Variants in KIN observed in about 807,000 individuals in gnomAD.
KIN encodes Kin17 DNA and RNA binding protein, also known as DNA/RNA-binding protein KIN17.
A neutral mutation model predicts 63.0 loss-of-function variants in KIN; 47 were observed. The ratio of observed to expected loss-of-function variants is 0.75; its 90% CI spans 0.59 to 0.95. KIN has a LOEUF of 0.95. Among genes scored for constraint, KIN ranks in the 40% least tolerant of loss-of-function variants. The probability of loss-of-function intolerance (pLI) is 0.00; values close to 1 mark genes in which losing one functional copy is unlikely to be tolerated. For missense variants in KIN, 408 were observed against 460.9 expected (o/e 0.89, Z 1.05); for synonymous variants, 160 against 157.7 (o/e 1.01, Z -0.11).
rs80177748 is a variant in KIN at position 7,772,206 on chromosome 10, G to C, written c.668+2625C>G. Among the ~76,000 whole-genome samples, 10 of 152,306 alleles carry C rather than the reference G, an allele frequency of 6.6e-5. No homozygotes were observed. In the East Asian group the frequency reaches 1.7e-3, roughly 26 times the overall value. ...CATCTTAGAGATGCTGAAACCAAGA[G>C]ATGTTAATAAATGAGTGACACGGTA... On this transcript the variant is annotated intron_variant, in intron 7 of 12. Coordinates refer to ENST00000379562, the MANE Select transcript of KIN (RefSeq NM_012311.4).
chr10:7,760,641 C>T (rs1564314751), intron 11 of KIN, among the ~76,000 whole-genome samples: 1 of 151,614 alleles, frequency 6.6e-6, no homozygotes, highest in Non-Finnish European at 1.5e-5. Flanking sequence ...AAAGAGACCA[C>T]ATTCACATAA....
chr10:7,763,979 T>C (rs1835490803), intron 9 of KIN, among the ~76,000 whole-genome samples, 188 bp from the exon 10 acceptor site: 1 of 152,216 alleles, frequency 6.6e-6, no homozygotes, highest in Non-Finnish European at 1.5e-5. Flanking sequence ...TTATTCCTTC[T>C]TCCCCTTTCT....
intron 12 of KIN, among the ~76,000 whole-genome samples, chr10:7,757,498 G>A (rs1239801344): frequency 4.0e-5 from 6 of 151,260 alleles, no homozygotes; most frequent in African/African-American, 1.5e-4. Flanking sequence ...ACTCTGTCTT[G>A]AAAATAAATA....
chr10:7,774,941 T>A, intron 6 of KIN, 50 bp from the exon 7 acceptor site: 1 of 1,345,180 alleles, frequency 7.4e-7, no homozygotes, highest in Non-Finnish European at 1.1e-6. Context: ...AAAATCATAA[T>A]AAAACTTCTC....
intron 10 of KIN, 58 bp downstream of exon 10, chr10:7,763,665 C>A: frequency 1.1e-6 from 1 of 904,846 alleles, no homozygotes; most frequent in Admixed American, 2.2e-5. Context: ...ACCAAAATAG[C>A]TTCACTCAGT....
intron 12 of KIN, among the ~76,000 whole-genome samples, chr10:7,758,734 T>C (rs577397468): frequency 6.6e-6 from 1 of 152,218 alleles, no homozygotes; most frequent in African/African-American, 2.4e-5. Context: ...AAGGAAATAC[T>C]GGATTTTCTA....
chr10:7,777,597 T>A (rs1033478391), intron 5 of KIN, among the ~76,000 whole-genome samples: 1 of 152,188 alleles, frequency 6.6e-6, no homozygotes, highest in African/African-American at 2.4e-5. Flanking sequence ...ACACAAGTGT[T>A]AGAATGTAAG....
rs1835310022 is a variant in KIN, at chr10:7,755,174, A to C, written c.*906T>G. 6.6e-6 allele frequency: 1 copy of C among 152,268 alleles called. No homozygotes were observed. The highest frequency in any genetic ancestry group is 1.5e-5 in the Non-Finnish European group (1 of 68,046). 9.4% of individuals were successfully genotyped at this position (152,268 alleles called of 1,614,324 possible). On this transcript the variant is annotated 3_prime_UTR_variant, in exon 13 of 13. Coordinates refer to ENST00000379562, the MANE Select transcript of KIN (RefSeq NM_012311.4). ...TTGGCAGAAGCGAAAGCTTCTGTTC[A>C]CATAAAATCCTGTAAATGGGTGATC...
Position 7,752,571 on chromosome 10 carries a change from C to T in KIN, c.*3509G>A, listed in dbSNP as rs956876023. On this transcript the variant is annotated 3_prime_UTR_variant, in exon 13 of 13. Transcript: ENST00000379562. ...CAGCAATTGTGCTCTTTGGTCGTTA[C>T]GTAAATAAGTTGAAAACGTCTATCC... The T allele has an allele frequency of 5.3e-5, 8 of 152,314 alleles. No homozygotes were observed. Among genetic ancestry groups the T allele is most frequent in the Admixed American group, 2.0e-4 (3 of 15,300 alleles). 9.4% of individuals were successfully genotyped at this position (152,314 alleles called of 1,614,324 possible). A position where few individuals can be genotyped will look rare whatever the true frequency, so the allele number is the denominator to read the frequency against.
chr10:7,756,098 G>A lies in KIN; in HGVS notation c.1164C>T (p.Asp388=), dbSNP rs1370641340. Residue 388 remains aspartate, a synonymous_variant, in exon 13 of 13, where the codon GAC becomes GAT. Transcript: ENST00000379562. ...TTCAAACTCAGGCAAGTTTAGAAAT[G>A]TCTTCATATTGAATTCCTTCAACTC... is the stretch of plus-strand genomic sequence containing the variant. The part of the protein sequence containing the change: ...GRRVEGIQYE[D]ISKLA 1 of 1,586,262 alleles carries A rather than the reference G, an allele frequency of 6.3e-7. No individual in the cohort carries two copies. The highest frequency in any genetic ancestry group is 8.6e-7 in the Non-Finnish European group (1 of 1,165,512).
intron 12 of KIN, among the ~76,000 whole-genome samples, chr10:7,759,042 T>G (rs973237283): frequency 2.0e-5 from 3 of 152,108 alleles, no homozygotes; most frequent in African/African-American, 7.2e-5. Context: ...CTCTAACAGG[T>G]CCATGGGCTT....
chr10:7,771,879 G>A (rs1409429426), intron 7 of KIN, among the ~76,000 whole-genome samples: 1 of 135,804 alleles, frequency 7.4e-6, no homozygotes, highest in African/African-American at 2.8e-5. Context: ...TGGGCAACAA[G>A]AGCGAAATTC....
At chr10:7,770,463 A>C (rs1400468461) in intron 7 of KIN, among the ~76,000 whole-genome samples, 1 of 152,246 alleles carries the variant, frequency 6.6e-6, no homozygotes, top group African/African-American at 2.4e-5. Context: ...TTTAAGGTCC[A>C]TTCATGAGGG....
intron 7 of KIN, among the ~76,000 whole-genome samples, chr10:7,770,282 G>A (rs1178012278): frequency 6.6e-6 from 1 of 152,100 alleles, no homozygotes; most frequent in Non-Finnish European, 1.5e-5. Flanking sequence ...GTCACCATTG[G>A]CCCCAGAATA....
Position 7,751,675 on chromosome 10 carries a change from T to C in KIN, c.*4405A>G, listed in dbSNP as rs1835245877. The C allele has an allele frequency of 6.6e-6, 1 of 152,190 alleles. No individual in the cohort carries two copies. Among genetic ancestry groups the C allele is most frequent in the African/African-American group, 2.4e-5 (1 of 41,450 alleles). 9.4% of individuals were successfully genotyped at this position (152,190 alleles called of 1,614,324 possible). On this transcript the variant is annotated 3_prime_UTR_variant, in exon 13 of 13. Coordinates refer to ENST00000379562, the MANE Select transcript of KIN (RefSeq NM_012311.4). ...CCTTTTGAAAAACCTACTGCATCTTTTCCATTTCCTATTTCAAAAATAGAA... is the reference window on the plus strand; with the variant it reads ...CCTTTTGAAAAACCTACTGCATCTTCTCCATTTCCTATTTCAAAAATAGAA...
At chr10:7,758,675 C>CA (rs34194283) in intron 12 of KIN, among the ~76,000 whole-genome samples, 270 of 126,322 alleles carry the variant, frequency 2.1e-3, no homozygotes, top group African/African-American at 7.3e-3. Context: ...ATGGTCCATG[C>CA]AAAAAAAAAA....
At chr10:7,785,930 A>AC (rs1462268845) in intron 1 of KIN, among the ~76,000 whole-genome samples, 1 of 152,158 alleles carries the variant, frequency 6.6e-6, no homozygotes, top group African/African-American at 2.4e-5. Context: ...AGCACAGAGG[A>AC]CTTTTTGGGC....
Position 7,775,907 on chromosome 10 carries a change from G to A in KIN, c.559-108C>T, listed in dbSNP as rs535720764. On this transcript the variant is annotated intron_variant, in intron 5 of 12. Transcript: ENST00000379562. The stretch of plus-strand genomic sequence containing the variant: ...CTGTGTTCCCAGGCAGCTCTAATAC[G>A]CAAGTGATTAAGATCCTAATTAAGA... 156 of 611,918 alleles carry A rather than the reference G, an allele frequency of 2.5e-4. 3 individuals are homozygous for A. The Admixed American group carries it at 4.1e-3, about 16-fold the overall frequency. 37.9% of individuals were successfully genotyped at this position (611,918 alleles called of 1,614,324 possible). A position where few individuals can be genotyped will look rare whatever the true frequency, so the allele number is the denominator to read the frequency against.
At chr10:7,766,928 G>A (rs1040610948) in intron 8 of KIN, among the ~76,000 whole-genome samples, 3 of 151,466 alleles carry the variant, frequency 2.0e-5, no homozygotes, top group African/African-American at 4.9e-5. Context: ...AGGCTGAGAC[G>A]TGAGAATTGC....
Sources: allele counts gnomAD v4.1 joint callset (sites outside exome capture counted in the v4.1 genomes callset), GRCh38; gene constraint gnomAD v4.1.1; transcripts MANE v1.5; gene names NCBI Gene and HGNC (gene_info 2026-07-23, HGNC 2026-07-21).